NEDD4: variants seen among roughly 807,000 people sequenced by gnomAD.
The protein encoded by NEDD4 is NEDD4 E3 ubiquitin protein ligase.
In NEDD4, 99 loss-of-function variants were observed where a neutral mutation model predicts 144.9. The observed-to-expected ratio is 0.68, with a 90% CI of 0.58 to 0.81. NEDD4 has a LOEUF of 0.81. Ranked by LOEUF, NEDD4 falls within the 30% of genes least tolerant of loss-of-function variation. NEDD4 has a pLI of 0.00. For missense variants in NEDD4, 985 were observed against 1,065.9 expected, an observed-to-expected ratio of 0.92 and a Z score of 1.06; for synonymous variants, 318 against 350.6, an observed-to-expected ratio of 0.91 and a Z score of 1.04.
intron 1 of NEDD4, among the ~76,000 whole-genome samples, chr15:55,990,642 T>A (rs2037975382): frequency 6.6e-6 from 1 of 152,198 alleles, no homozygotes. Context: ...GTAAGTGCAC[T>A]TAACTGGGGA....
intron 4 of NEDD4, among the ~76,000 whole-genome samples, chr15:55,937,632 G>A (rs750564541): frequency 5.9e-5 from 9 of 152,184 alleles, no homozygotes; most frequent in South Asian, 2.1e-4. Context: ...TGGCAGTAGA[G>A]TCCTAATCCT....
chr15:55,895,430 A>C (rs1281745120), intron 5 of NEDD4, among the ~76,000 whole-genome samples: 2 of 152,252 alleles, frequency 1.3e-5, no homozygotes, highest in Non-Finnish European at 2.9e-5. Flanking sequence ...GTTCAATTTA[A>C]AAACAAGTAA....
At position 55,897,208 on chromosome 15, in the gene NEDD4, C is replaced by T. The variant is rs181302183; in HGVS notation, c.292-23200G>A. ...CAGGATGGTCTCGATCTCCTGACCT[C>T]GTGATCCGCCCGCCTCGGCCTCCCA... On this transcript the variant is annotated intron_variant, in intron 5 of 28. Coordinates refer to ENST00000435532, the MANE Select transcript of NEDD4 (RefSeq NM_006154.4). 2.9e-3 allele frequency among the ~76,000 whole-genome samples: 438 copies of T among 152,182 alleles called. 1 individual carries two copies. The highest frequency in any genetic ancestry group is 0.01 in the African/African-American group (419 of 41,532).
intron 17 of NEDD4, among the ~76,000 whole-genome samples, chr15:55,847,568 A>G (rs774763616): frequency 6.6e-6 from 1 of 152,210 alleles, no homozygotes; most frequent in Non-Finnish European, 1.5e-5. Context: ...TAATTTTCCT[A>G]TCAATCTGAC....
chr15:55,901,080 A>T (rs2035900866), intron 5 of NEDD4, among the ~76,000 whole-genome samples: 1 of 152,156 alleles, frequency 6.6e-6, no homozygotes, highest in South Asian at 2.1e-4. Flanking sequence ...TTTTGTGGGT[A>T]CATGGTAGGT....
chr15:55,841,228 A>G (rs2141983816), intron 19 of NEDD4, among the ~76,000 whole-genome samples: 1 of 152,202 alleles, frequency 6.6e-6, no homozygotes, highest in African/African-American at 2.4e-5. Flanking sequence ...CACCACGCCC[A>G]GCCTAAACAA....
At chr15:55,853,302 C>G (rs1327612546) in intron 12 of NEDD4, among the ~76,000 whole-genome samples, 1 of 152,068 alleles carries the variant, frequency 6.6e-6, no homozygotes, top group African/African-American at 2.4e-5. Context: ...GATAACAACC[C>G]TAATAAAACA....
At position 55,829,850 on chromosome 15, in the gene NEDD4, G is replaced by T; in HGVS notation, c.*47C>A. Reference sequence around the variant, plus strand: ...CGGAAAATTTTAAGTCAAGATTTTGGTTATAAAACTATGGCAGTAAAAACA... The same window carrying T: ...CGGAAAATTTTAAGTCAAGATTTTGTTTATAAAACTATGGCAGTAAAAACA... On this transcript the variant is annotated 3_prime_UTR_variant, in exon 29 of 29. Transcript: ENST00000435532. 2 of 1,454,106 alleles carry T rather than the reference G, an allele frequency of 1.4e-6. No individual in the cohort carries two copies. The highest frequency in any genetic ancestry group is 1.9e-6 in the Non-Finnish European group (2 of 1,055,460). 90.1% of individuals were successfully genotyped at this position (1,454,106 alleles called of 1,614,324 possible).
At chr15:55,947,788 G>C (rs1246223105) in intron 4 of NEDD4, among the ~76,000 whole-genome samples, 1 of 152,156 alleles carries the variant, frequency 6.6e-6, no homozygotes, top group South Asian at 2.1e-4. Context: ...ATTAGGTATT[G>C]ATGGGACGTA....
chr15:55,878,165 A>C (rs1197980180), intron 5 of NEDD4, among the ~76,000 whole-genome samples: 1 of 152,212 alleles, frequency 6.6e-6, no homozygotes, highest in African/African-American at 2.4e-5. Flanking sequence ...GGTATGGAAA[A>C]AATAATCAGG....
chr15:55,932,632 C>T (rs1381155278), intron 4 of NEDD4, among the ~76,000 whole-genome samples: 1 of 152,126 alleles, frequency 6.6e-6, no homozygotes, highest in Non-Finnish European at 1.5e-5. Context: ...GACTAAAACA[C>T]CAAAAGCAAT....
Position 55,860,563 on chromosome 15 carries a change from A to G in NEDD4, c.804T>C (p.Ile268=). Residue 268 remains isoleucine (I), a synonymous_variant, in exon 11 of 29, where the codon ATT becomes ATC. Coordinates refer to ENST00000435532, the MANE Select transcript of NEDD4 (RefSeq NM_006154.4). Reference sequence around the variant, plus strand: ...ACATGGTGGCTTCATCTTCTCTTATAATTTCCCAGTTCTAAAATGAACAGA... The same window carrying G: ...ACATGGTGGCTTCATCTTCTCTTATGATTTCCCAGTTCTAAAATGAACAGA... ...DNRESSENWE[I]IREDEATMYS... 6.2e-7 allele frequency: 1 copy of G among 1,614,012 alleles called. No homozygotes were observed. The highest frequency in any genetic ancestry group is 8.5e-7 in the Non-Finnish European group (1 of 1,179,950).
At chr15:55,915,239 T>G in intron 5 of NEDD4, 1 of 1,477,798 alleles carries the variant, frequency 6.8e-7, no homozygotes, top group Non-Finnish European at 9.1e-7. Context: ...TTCATTAAGT[T>G]ATTCTCATAT....
chr15:55,840,661 GAAGT>G lies in NEDD4; in HGVS notation c.1901_1904del (p.Tyr634SerfsTer7). On this transcript the variant is annotated frameshift_variant, in exon 20 of 29. Coordinates refer to ENST00000435532, the MANE Select transcript of NEDD4 (RefSeq NM_006154.4). LOFTEE classifies it high-confidence loss of function. ...TTCCAGCTACCCGACCAATAAACTTGAAGTAAGAGAGGTGATCTTCGTTACACAA... is the reference window on the plus strand; with the variant it reads ...TTCCAGCTACCCGACCAATAAACTTGAAGAGAGGTGATCTTCGTTACACAA... 1 of 1,614,094 alleles carries G rather than the reference GAAGT, an allele frequency of 6.2e-7. No individual in the cohort carries two copies.
Position 55,852,424 on chromosome 15 carries a change from C to A in NEDD4, c.1146G>T (p.Gln382His). 6.2e-7 allele frequency: 1 copy of A among 1,609,920 alleles called. No homozygotes were observed. Among genetic ancestry groups the A allele is most frequent in the Non-Finnish European group, 8.5e-7 (1 of 1,177,742 alleles). The change falls in exon 13 of 29, where the codon CAG becomes CAT. Residue 382 changes from glutamine to histidine, a missense_variant and splice_region_variant. Gln to His is a conservative substitution (Grantham distance 24). Transcript: ENST00000435532. ...RTTTWTKPTV[Q>H]ATVETSQLTS... Reference sequence around the variant, plus strand: ...AGCAAGTTGATAGATTACAGGATACCTGTACAGTGGGCTTTGTCCAAGTAG... The same window carrying A: ...AGCAAGTTGATAGATTACAGGATACATGTACAGTGGGCTTTGTCCAAGTAG...
intron 5 of NEDD4, among the ~76,000 whole-genome samples, chr15:55,912,446 A>G (rs1274381461): frequency 1.3e-5 from 2 of 152,150 alleles, no homozygotes; most frequent in Non-Finnish European, 2.9e-5. Context: ...AAAAACTTTT[A>G]TAACAAAAAG....
At chr15:55,921,889 CA>C (rs879292508) in intron 5 of NEDD4, among the ~76,000 whole-genome samples, 1 of 152,200 alleles carries the variant, frequency 6.6e-6, no homozygotes, top group Non-Finnish European at 1.5e-5. Context: ...AAGTTACTGG[CA>C]AAATGGACCA....
chr15:55,860,387 A>G lies in NEDD4; in HGVS notation c.960+20T>C. 1.2e-6 allele frequency: 2 copies of G among 1,611,926 alleles called. No homozygotes were observed. Among genetic ancestry groups the G allele is most frequent in the Non-Finnish European group, 1.7e-6 (2 of 1,179,124 alleles). ...TAATATAAACTACTGAAGCCGTAAC[A>G]AAATCTAAGAGCATCTTACTGAGCT... On this transcript the variant is annotated intron_variant, in intron 11 of 28. Coordinates refer to ENST00000435532, the MANE Select transcript of NEDD4 (RefSeq NM_006154.4).
intron 21 of NEDD4, among the ~76,000 whole-genome samples, chr15:55,839,270 C>A (rs1001025319): frequency 6.6e-6 from 1 of 152,082 alleles, no homozygotes; most frequent in Admixed American, 6.5e-5. Flanking sequence ...CTCAAGTGAT[C>A]CACCTGCCTC....
Sources: allele counts gnomAD v4.1 joint callset (sites outside exome capture counted in the v4.1 genomes callset), GRCh38; gene constraint gnomAD v4.1.1; transcripts MANE v1.5; gene names NCBI Gene and HGNC (gene_info 2026-07-23, HGNC 2026-07-21).